PCLO: variants seen among roughly 807,000 people sequenced by gnomAD.
The protein encoded by PCLO is protein piccolo.
Under a neutral mutation model 427.5 loss-of-function variants are expected in PCLO, and 82 were observed. The ratio of observed to expected loss-of-function variants is 0.19; its 90% CI spans 0.16 to 0.23. The LOEUF (loss-of-function observed/expected upper bound fraction) is 0.23, where lower values mean the gene tolerates loss of function less well. PCLO is among the 10% of genes least tolerant of loss of function. The probability of loss-of-function intolerance (pLI) is 1.00; values close to 1 mark genes in which losing one functional copy is unlikely to be tolerated. For synonymous variants in PCLO, 2,357 were observed against 2,155.4 expected (o/e 1.09, Z -2.59); for missense variants, 6,239 against 6,115.9 (o/e 1.02, Z -0.67).
intron 6 of PCLO, among the ~76,000 whole-genome samples, chr7:82,921,807 A>G (rs1794601604): frequency 6.6e-6 from 1 of 151,862 alleles, no homozygotes; most frequent in Non-Finnish European, 1.5e-5. Flanking sequence ...CAGAAAATCT[A>G]TAAAACTGGA....
At chr7:83,103,696 A>G (rs975654080) in intron 3 of PCLO, among the ~76,000 whole-genome samples, 9 of 152,158 alleles carry the variant, frequency 5.9e-5, no homozygotes, top group Admixed American at 5.2e-4. Flanking sequence ...GATGATCACT[A>G]AAATTTCAAA....
Position 83,059,357 on chromosome 7 carries a change from A to AAAAAATAT in PCLO, c.3300+74892_3300+74893insATATTTTT, listed in dbSNP as rs1332566491. 1.2e-3 allele frequency among the ~76,000 whole-genome samples: 132 copies of AAAAAATAT among 111,796 alleles called. 1 individual carries two copies. Among genetic ancestry groups the AAAAAATAT allele is most frequent in the Middle Eastern group, 4.6e-3 (1 of 216 alleles). The allele number at this position is 111,796 out of a possible 152,430, so 73.3% of individuals were successfully genotyped here. A position where few individuals can be genotyped will look rare whatever the true frequency, so the allele number is the denominator to read the frequency against. On this transcript the variant is annotated intron_variant, in intron 3 of 24. Transcript: ENST00000333891. Reference sequence around the variant, plus strand: ...ATATATTTTATATATACACCTTTAAAATATATATATATATATATATATAAA... The same window carrying AAAAAATAT: ...ATATATTTTATATATACACCTTTAAAAAAAATATATATATATATATATATATATATAAA...
At chr7:83,045,115 A>T (rs2116231768) in intron 3 of PCLO, among the ~76,000 whole-genome samples, 1 of 152,244 alleles carries the variant, frequency 6.6e-6, no homozygotes, top group Admixed American at 6.5e-5. Context: ...GGTATATCTG[A>T]TGCAATTCAA....
chr7:82,951,887 T>A lies in PCLO; in HGVS notation c.9066A>T (p.Ala3022=). The A allele has an allele frequency of 1.2e-6, 2 of 1,613,560 alleles. No individual in the cohort carries two copies. The highest frequency in any genetic ancestry group is 1.7e-6 in the Non-Finnish European group (2 of 1,179,702). ...TAACTCTCCCTGAAGTCAGATCTAC[T>A]GCTGTGTCAGTTCCTTCAGAATAAT... ...AFDYSEGTDT[A]VDLTSGRVTT... Residue 3022 remains alanine, a synonymous_variant, in exon 5 of 25, where the codon GCA becomes GCT. Transcript: ENST00000333891.
intron 9 of PCLO, among the ~76,000 whole-genome samples, chr7:82,888,140 A>T (rs1304645484): frequency 6.6e-6 from 1 of 152,102 alleles, no homozygotes; most frequent in Non-Finnish European, 1.5e-5. Context: ...TAAAATAGAA[A>T]AAGCCATCTT....
At chr7:83,064,055 G>T (rs766787594) in intron 3 of PCLO, among the ~76,000 whole-genome samples, 2 of 151,976 alleles carry the variant, frequency 1.3e-5, no homozygotes, top group Admixed American at 6.6e-5. Context: ...AATGAGAATG[G>T]TAAGTTGAAT....
intron 3 of PCLO, chr7:83,018,125 T>C (rs1294362468): frequency 6.6e-6 from 1 of 152,054 alleles, no homozygotes; most frequent in Non-Finnish European, 1.5e-5. Context: ...AGAAGTATTA[T>C]TTATAAAAAC....
At chr7:82,936,071 A>C (rs1172272966) in intron 6 of PCLO, among the ~76,000 whole-genome samples, 1 of 151,720 alleles carries the variant, frequency 6.6e-6, no homozygotes, top group Non-Finnish European at 1.5e-5. Context: ...TGTAAACAGT[A>C]GACCTCGTAG....
At chr7:83,147,556 T>C (rs1158018254) in intron 2 of PCLO, among the ~76,000 whole-genome samples, 2 of 152,142 alleles carry the variant, frequency 1.3e-5, no homozygotes, top group Admixed American at 6.6e-5. Flanking sequence ...TGACCAAACT[T>C]GGCATCACAG....
At chr7:82,940,468 A>G (rs769994477) in intron 6 of PCLO, among the ~76,000 whole-genome samples, 1 of 152,176 alleles carries the variant, frequency 6.6e-6, no homozygotes, top group Non-Finnish European at 1.5e-5. Context: ...TAATTTATTC[A>G]TGTAGTTAAA....
chr7:82,836,862 C>G (rs1401321405), intron 15 of PCLO, among the ~76,000 whole-genome samples: 2 of 152,010 alleles, frequency 1.3e-5, no homozygotes, highest in South Asian at 4.1e-4. Flanking sequence ...TTTAAACAAA[C>G]CAACTACAGT....
At chr7:82,922,890 T>A (rs1184852121) in intron 6 of PCLO, among the ~76,000 whole-genome samples, 1 of 152,050 alleles carries the variant, frequency 6.6e-6, no homozygotes, top group Non-Finnish European at 1.5e-5. Flanking sequence ...TAGAAAGCCA[T>A]ACCTACTGTC....
chr7:82,781,202 G>T (rs569621233), intron 22 of PCLO, among the ~76,000 whole-genome samples: 1 of 149,984 alleles, frequency 6.7e-6, no homozygotes, highest in African/African-American at 2.4e-5. Context: ...AAGGTAAAAA[G>T]ATCATGTTCC....
rs1361965632 is a variant in PCLO, at chr7:82,955,157, T to C, written c.5796A>G (p.Pro1932=). ...MHKTHKYKAF[P]AANERDEVFE... is the part of the protein sequence containing the mutation. The stretch of plus-strand genomic sequence containing the variant: ...ACACTTCATCTCGTTCATTTGCAGC[T>C]GGAAAAGCTTTGTATTTGTGTGTTT... The change falls in exon 5 of 25, where the codon CCA becomes CCG. Residue 1932 remains proline, a synonymous_variant. Transcript: ENST00000333891. The C allele has an allele frequency of 3.7e-6, 6 of 1,613,750 alleles. No homozygotes were observed. In the African/African-American group the frequency reaches 8.0e-5, roughly 22 times the overall value.
At chr7:83,038,025 A>ATT (rs1291771119) in intron 3 of PCLO, among the ~76,000 whole-genome samples, 1 of 49,098 alleles carries the variant, frequency 2.0e-5, no homozygotes, top group African/African-American at 1.5e-4. Flanking sequence ...ATATATATAT[A>ATT]TATATTTATA....
intron 3 of PCLO, among the ~76,000 whole-genome samples, chr7:83,001,505 AACAC>A (rs3035080): frequency 1.0e-4 from 15 of 149,048 alleles, no homozygotes; most frequent in Non-Finnish European, 1.9e-4. Context: ...CACACATACA[AACAC>A]ACACACACAC....
chr7:82,858,163 A>G (rs1284836372), intron 10 of PCLO, among the ~76,000 whole-genome samples: 3 of 152,186 alleles, frequency 2.0e-5, no homozygotes, highest in African/African-American at 7.2e-5. Flanking sequence ...CAAGGTTTCA[A>G]CATATGGAAG....
chr7:82,862,538 T>C (rs527993187), intron 10 of PCLO, among the ~76,000 whole-genome samples: 3 of 129,118 alleles, frequency 2.3e-5, no homozygotes, highest in East Asian at 4.6e-4. Context: ...AGCTAAGAAT[T>C]GGAAGCAACC....
chr7:83,162,837 A>C lies in PCLO; in HGVS notation c.-245T>G. ...GCGCCAGGCAACCTTTGCAGAAGAC[A>C]CCTCCCGGACGCCGCCTCGGCGCCC... On this transcript the variant is annotated 5_prime_UTR_variant, in exon 1 of 25. Coordinates refer to ENST00000333891, the MANE Select transcript of PCLO (RefSeq NM_033026.6). The C allele has an allele frequency of 7.7e-6, 4 of 522,140 alleles. No individual in the cohort carries two copies. Among genetic ancestry groups the C allele is most frequent in the Non-Finnish European group, 6.6e-6 (2 of 302,098 alleles). 32.3% of individuals were successfully genotyped at this position (522,140 alleles called of 1,614,324 possible). A position where few individuals can be genotyped will look rare whatever the true frequency, so the allele number is the denominator to read the frequency against.
Sources: allele counts gnomAD v4.1 joint callset (sites outside exome capture counted in the v4.1 genomes callset), GRCh38; gene constraint gnomAD v4.1.1; transcripts MANE v1.5; gene names NCBI Gene and HGNC (gene_info 2026-07-23, HGNC 2026-07-21).